The following TTBK2 variants were observed in gnomAD, a reference collection of about 807,000 sequenced individuals.
TTBK2 encodes tau tubulin kinase 2, also known as tau-tubulin kinase 2.
Under a neutral mutation model 110.8 loss-of-function variants are expected in TTBK2, and 28 were observed. The ratio of observed to expected loss-of-function variants is 0.25; its 90% CI spans 0.19 to 0.35. The LOEUF (loss-of-function observed/expected upper bound fraction) is 0.35, where lower values mean the gene tolerates loss of function less well. Among genes scored for constraint, TTBK2 ranks in the 10% least tolerant of loss-of-function variants. The pLI, the probability that TTBK2 is intolerant of heterozygous loss-of-function variation, is 1.00. For synonymous variants in TTBK2, 532 were observed against 527.3 expected (o/e 1.01, Z -0.12); for missense variants, 1,369 against 1,500.3 (o/e 0.91, Z 1.45).
intron 13 of TTBK2, among the ~76,000 whole-genome samples, chr15:42,758,515 C>T (rs2061977120): frequency 6.6e-6 from 1 of 151,940 alleles, no homozygotes; most frequent in African/African-American, 2.4e-5. Context: ...ATTAGCCAGG[C>T]ATGGTGGCAC....
Position 42,783,744 on chromosome 15 carries a change from T to TAA in TTBK2, c.981-111_981-110dup, listed in dbSNP as rs34530003. On this transcript the variant is annotated intron_variant, in intron 10 of 14. Transcript: ENST00000267890. ...GAACTCCACACATAATTAAGAGAGT[T>TAA]AAAAAAAAAAAAAAAGCACCTTGAA... The TAA allele has an allele frequency of 7.3e-3, 4,966 of 677,404 alleles. 1 individual carries two copies. Among genetic ancestry groups the TAA allele is most frequent in the Middle Eastern group, 9.2e-3 (21 of 2,280 alleles). 42.0% of individuals were successfully genotyped at this position (677,404 alleles called of 1,614,324 possible).
chr15:42,841,764 AT>A (rs1198603609), intron 3 of TTBK2, among the ~76,000 whole-genome samples: 13 of 152,338 alleles, frequency 8.5e-5, no homozygotes, highest in Middle Eastern at 3.4e-3. Context: ...TCTGACCAAT[AT>A]TAAAGATGTA....
chr15:42,780,738 G>C (rs1002909598), intron 11 of TTBK2, among the ~76,000 whole-genome samples: 4 of 152,166 alleles, frequency 2.6e-5, no homozygotes, highest in African/African-American at 9.7e-5. Flanking sequence ...GGCTGAGGCG[G>C]ACAAATCACC....
intron 11 of TTBK2, among the ~76,000 whole-genome samples, chr15:42,778,828 C>T (rs1890049943): frequency 6.6e-6 from 1 of 152,108 alleles, no homozygotes; most frequent in Admixed American, 6.5e-5. Context: ...GAGGTAGTAA[C>T]ATTCAGATAC....
rs767534419 is a variant in TTBK2 at position 42,783,496 on chromosome 15, G to A, written c.1120C>T (p.His374Tyr). Residue 374 changes from histidine to tyrosine, a missense_variant, in exon 11 of 15, where the codon CAC becomes TAC. His to Tyr is a moderately conservative substitution (Grantham distance 83). Around this residue, in one of 4 missense-constraint regions of TTBK2, gnomAD observed 1,097 missense variants for 1,114.7 expected, o/e 0.98. Coordinates refer to ENST00000267890, the MANE Select transcript of TTBK2 (RefSeq NM_173500.4). ...ACATCCTTCTCCTGGGGACGGGGGT[G>A]TCCCAGAGATCCAGGCAATTTATCT... ...SPDKLPGSLG[H>Y]PRPQEKDVWE... 1.9e-6 allele frequency: 3 copies of A among 1,614,150 alleles called. No individual in the cohort carries two copies. The South Asian group carries it at 3.3e-5, about 18-fold the overall frequency.
At chr15:42,747,969 C>G (rs913203193) in intron 14 of TTBK2, among the ~76,000 whole-genome samples, 1 of 152,080 alleles carries the variant, frequency 6.6e-6, no homozygotes, top group African/African-American at 2.4e-5. Flanking sequence ...TATAAGGGTA[C>G]TGGAAATTAC....
intron 1 of TTBK2, among the ~76,000 whole-genome samples, chr15:42,898,405 T>C (rs1443088418): frequency 6.6e-6 from 1 of 151,460 alleles, no homozygotes; most frequent in African/African-American, 2.4e-5. Context: ...AATAGCCAGT[T>C]ACGGTAGCAT....
chr15:42,775,211 G>A lies in TTBK2; in HGVS notation c.1922C>T (p.Pro641Leu). ...EQYTDRLELQ[P>L]GAASQFIAAT... ...TGCAATAAACTGACTAGCAGCTCCA[G>A]GCTGGAGTTCCAGCCTATCTGTATA... Residue 641 changes from proline (P) to leucine (L), a missense_variant, in exon 13 of 15, where the codon CCT (proline) becomes CTT (leucine). This residue lies in a region of TTBK2 where 1,097 missense variants were observed against 1,114.7 expected (regional missense o/e 0.98). Transcript: ENST00000267890. 1 of 1,614,202 alleles carries A rather than the reference G, an allele frequency of 6.2e-7. No homozygotes were observed. The highest frequency in any genetic ancestry group is 8.5e-7 in the Non-Finnish European group (1 of 1,180,028).
At chr15:42,894,775 G>C (rs1435596021) in intron 1 of TTBK2, among the ~76,000 whole-genome samples, 1 of 151,920 alleles carries the variant, frequency 6.6e-6, no homozygotes, top group Non-Finnish European at 1.5e-5. Flanking sequence ...AAAAATAAGA[G>C]ACCCATATCC....
intron 1 of TTBK2, among the ~76,000 whole-genome samples, chr15:42,887,931 C>T (rs964580217): frequency 8.6e-6 from 1 of 116,594 alleles, no homozygotes; most frequent in Non-Finnish European, 1.6e-5. Context: ...TGAAAACACA[C>T]GTGCTCTCCC....
intron 1 of TTBK2, among the ~76,000 whole-genome samples, chr15:42,883,873 A>C (rs1895145002): frequency 6.6e-6 from 1 of 152,132 alleles, no homozygotes; most frequent in Admixed American, 6.5e-5. Flanking sequence ...CTTAAATACC[A>C]CTGAAAATAA....
intron 3 of TTBK2, among the ~76,000 whole-genome samples, chr15:42,871,245 G>A (rs1376746441): frequency 6.6e-6 from 1 of 152,128 alleles, no homozygotes; most frequent in Admixed American, 6.5e-5. Flanking sequence ...GTTATAAGCA[G>A]ATAGGAAAAA....
At chr15:42,796,701 C>T (rs1595919683) in intron 9 of TTBK2, among the ~76,000 whole-genome samples, 3 of 152,330 alleles carry the variant, frequency 2.0e-5, no homozygotes, top group Admixed American at 2.0e-4. Context: ...TCAACCCAGA[C>T]TATATGCTCC....
intron 4 of TTBK2, among the ~76,000 whole-genome samples, chr15:42,837,657 C>CAA (rs35898464): frequency 0.011 from 415 of 39,030 alleles, 1 homozygote; most frequent in Non-Finnish European, 0.013. Flanking sequence ...GACTCTGTCT[C>CAA]AAAAAAAAAA....
intron 13 of TTBK2, among the ~76,000 whole-genome samples, chr15:42,767,394 A>C (rs1889434514): frequency 6.6e-6 from 1 of 152,242 alleles, no homozygotes. Flanking sequence ...AAAAGAGAGA[A>C]GAATCAAATA....
At chr15:42,889,749 CTTCT>C (rs1412273915) in intron 1 of TTBK2, among the ~76,000 whole-genome samples, 1 of 152,118 alleles carries the variant, frequency 6.6e-6, no homozygotes, top group Non-Finnish European at 1.5e-5. Flanking sequence ...ACAAATGCTC[CTTCT>C]AACAACCCCA....
chr15:42,783,441 T>C lies in TTBK2; in HGVS notation c.1175A>G (p.Lys392Arg). ...TACCTTACAAATTCCAAGCTTTATC[T>C]TGTTTTTGTTGGCATCCATCTCTTC... The part of the protein sequence containing the change: ...VWEEMDANKN[K>R]IKLGICKAAT... Residue 392 changes from lysine to arginine, a missense_variant, in exon 11 of 15, where the codon AAG becomes AGG. Physicochemically the swap from Lys to Arg is conservative, Grantham distance 26. This residue lies in a region of TTBK2 where 1,097 missense variants were observed against 1,114.7 expected (regional missense o/e 0.98). Coordinates refer to ENST00000267890, the MANE Select transcript of TTBK2 (RefSeq NM_173500.4). 1.2e-6 allele frequency: 2 copies of C among 1,614,100 alleles called. No individual in the cohort carries two copies. Among genetic ancestry groups the C allele is most frequent in the African/African-American group, 1.3e-5 (1 of 75,050 alleles).
intron 9 of TTBK2, chr15:42,802,164 G>A (rs1178170761): frequency 6.5e-6 from 9 of 1,382,726 alleles, no homozygotes; most frequent in Admixed American, 1.7e-5. Flanking sequence ...CGGCCTGGAT[G>A]TTGGGGTCCA....
intron 1 of TTBK2, among the ~76,000 whole-genome samples, chr15:42,908,785 C>CT (rs1232715810): frequency 6.6e-6 from 1 of 152,150 alleles, no homozygotes; most frequent in Non-Finnish European, 1.5e-5. Context: ...CCTAGAAATA[C>CT]TTTTTCCCCA....
Sources: gnomAD v4.1 joint callset for allele counts (sites outside exome capture counted in the v4.1 genomes callset) on GRCh38, gnomAD v4.1.1 for gene constraint, gnomAD v4.1.1 regional missense constraint, MANE v1.5 for transcripts, NCBI Gene and HGNC (gene_info 2026-07-23, HGNC 2026-07-21) for gene names.